PPP4R3C: variants seen among roughly 807,000 people sequenced by gnomAD.
PPP4R3C encodes the protein protein PPP4R3C.
For missense variants in PPP4R3C, 372 were observed against 237.3 expected (o/e 1.57, Z -3.73); for synonymous variants, 150 against 86.5 (o/e 1.73, Z -4.07).
rs1252679612 is a variant in PPP4R3C at position 27,463,025 on chromosome X, T to C, written c.272A>G (p.Gln91Arg). 3 of 515,209 alleles carry C rather than the reference T, an allele frequency of 5.8e-6. No homozygotes were observed. The highest frequency in any genetic ancestry group is 1.0e-5 in the Non-Finnish European group (3 of 287,034). The allele number at this position is 515,209 out of a possible 1,213,427, so 42.5% of individuals were successfully genotyped here. The change falls in exon 1 of 1, where the codon CAG becomes CGG. Residue 91 changes from glutamine (Q) to arginine (R), a missense_variant. By Grantham distance (43) the Gln-to-Arg change is conservative. Coordinates refer to ENST00000412172, the MANE Select transcript of PPP4R3C (RefSeq NM_207319.4). ...TTGGCAAATTTCTTTCCAAATATCC[T>C]GGCAGCCGGCTGGGTCCTGGAATTT... ...VLKFQDPAGCQDIWKEICQAQ... is the reference protein window; with the variant it reads ...VLKFQDPAGCRDIWKEICQAQ...
At position 27,460,812 on chromosome X, in the gene PPP4R3C, G is replaced by A. The variant is rs1476689335; in HGVS notation, c.2485C>T (p.His829Tyr). ...EDETSPKKKPHLSS is the reference protein window; with the variant it reads ...EDETSPKKKPYLSS Reference sequence around the variant, plus strand: ...CCATATAGATTTTAGGAGCTAAGATGAGGTTTCTTCTTGGGGGATGTTTCA... The same window carrying A: ...CCATATAGATTTTAGGAGCTAAGATAAGGTTTCTTCTTGGGGGATGTTTCA... The change falls in exon 1 of 1, where the codon CAT (histidine) becomes TAT (tyrosine). Residue 829 changes from histidine (H) to tyrosine (Y), a missense_variant. Transcript: ENST00000412172. 3 of 502,954 alleles carry A rather than the reference G, an allele frequency of 6.0e-6. No homozygotes were observed. The East Asian group carries it at 1.1e-4, about 18-fold the overall frequency. 41.4% of individuals were successfully genotyped at this position (502,954 alleles called of 1,213,427 possible). A position where few individuals can be genotyped will look rare whatever the true frequency, so the allele number is the denominator to read the frequency against.
In PPP4R3C at chrX:27,461,789, T is replaced by C; in HGVS notation, c.1508A>G (p.Asn503Ser). 2 of 515,491 alleles carry C rather than the reference T, an allele frequency of 3.9e-6. No individual in the cohort carries two copies. Among genetic ancestry groups the C allele is most frequent in the Non-Finnish European group, 7.0e-6 (2 of 287,087 alleles). 42.5% of individuals were successfully genotyped at this position (515,491 alleles called of 1,213,427 possible). ...AGYDKSKNCP[N>S]DNQTAQLLAL... ...AAGCAGTTGTGCTGTTTGATTATCATTGGGGCAATTTTTGCTTTTGTCATA... is the reference window on the plus strand; with the variant it reads ...AAGCAGTTGTGCTGTTTGATTATCACTGGGGCAATTTTTGCTTTTGTCATA... The change falls in exon 1 of 1, where the codon AAT becomes AGT. Residue 503 changes from asparagine to serine, a missense_variant. Asn to Ser is a conservative substitution (Grantham distance 46). Transcript: ENST00000412172.
chrX:27,461,427 C>G lies in PPP4R3C; in HGVS notation c.1870G>C (p.Glu624Gln). The G allele has an allele frequency of 1.9e-6, 1 of 515,350 alleles. No individual in the cohort carries two copies. Among genetic ancestry groups the G allele is most frequent in the East Asian group, 3.6e-5 (1 of 27,718 alleles). 42.5% of individuals were successfully genotyped at this position (515,350 alleles called of 1,213,427 possible). Residue 624 changes from glutamate (E) to glutamine (Q), a missense_variant, in exon 1 of 1, where the codon GAA becomes CAA. Transcript: ENST00000412172. Reference protein sequence around the residue: ...NIKPLVSHIVEKFYNTLESIE... With the variant: ...NIKPLVSHIVQKFYNTLESIE... Reference sequence around the variant, plus strand: ...GATTCAAGTGTGTTATAAAACTTTTCAACTATATGTGAAACAAGAGGCTTG... The same window carrying G: ...GATTCAAGTGTGTTATAAAACTTTTGAACTATATGTGAAACAAGAGGCTTG...
rs924239872 is a variant in PPP4R3C at position 27,461,383 on chromosome X, T to A, written c.1914A>T (p.Thr638=). 2 of 513,828 alleles carry A rather than the reference T, an allele frequency of 3.9e-6. No individual in the cohort carries two copies. The highest frequency in any genetic ancestry group is 4.6e-5 in the African/African-American group (2 of 43,392). The allele number at this position is 513,828 out of a possible 1,213,427, so 42.3% of individuals were successfully genotyped here. The part of the protein sequence containing the change: ...NTLESIEYVQ[T]FKGLKIKYEK... ...CATATTTAATCTTCAATCCTTTGAA[T>A]GTCTGAACATATTCAATCGATTCAA... Residue 638 remains threonine (T), a synonymous_variant, in exon 1 of 1, where the codon ACA becomes ACT. Coordinates refer to ENST00000412172, the MANE Select transcript of PPP4R3C (RefSeq NM_207319.4).
Position 27,462,606 on chromosome X carries a change from C to T in PPP4R3C, c.691G>A (p.Ala231Thr), listed in dbSNP as rs1451960471. Residue 231 changes from alanine to threonine, a missense_variant, in exon 1 of 1, where the codon GCT becomes ACT. Ala to Thr is a moderately conservative substitution (Grantham distance 58). Transcript: ENST00000412172. ...CTATGCCTTTTTGGCTGATCCAAAG[C>T]AGGGTCATACTCAAGGCATCCCACC... is the stretch of plus-strand genomic sequence containing the variant. ...DVVGCLEYDP[A>T]LDQPKRHRDF... 1.8e-6 allele frequency: 1 copy of T among 561,965 alleles called. No individual in the cohort carries two copies. The highest frequency in any genetic ancestry group is 2.2e-5 in the Admixed American group (1 of 45,192). 46.3% of individuals were successfully genotyped at this position (561,965 alleles called of 1,213,427 possible).
Position 27,463,231 on chromosome X carries a change from T to C in PPP4R3C, c.66A>G (p.Leu22=). 1.9e-6 allele frequency: 1 copy of C among 515,116 alleles called. No homozygotes were observed. Among genetic ancestry groups the C allele is most frequent in the Non-Finnish European group, 3.5e-6 (1 of 286,990 alleles). 42.5% of individuals were successfully genotyped at this position (515,116 alleles called of 1,213,427 possible). Residue 22 remains leucine, a synonymous_variant, in exon 1 of 1, where the codon CTA becomes CTG. Coordinates refer to ENST00000412172, the MANE Select transcript of PPP4R3C (RefSeq NM_207319.4). ...AGGTGGATGAGACCTGACCGGTGCC[T>C]AGATTGTTCCATTCCTCGTCTTCGT... The part of the protein sequence containing the change: ...VLNEDEEWNN[L]GTGQVSSTYD...
chrX:27,463,255 G>C lies in PPP4R3C; in HGVS notation c.42C>G (p.Asn14Lys), dbSNP rs778727584. 1.2e-5 allele frequency: 6 copies of C among 514,611 alleles called. No homozygotes were observed. The East Asian group carries it at 2.2e-4, about 19-fold the overall frequency. 42.4% of individuals were successfully genotyped at this position (514,611 alleles called of 1,213,427 possible). Residue 14 changes from asparagine (N) to lysine (K), a missense_variant, in exon 1 of 1, where the codon AAC becomes AAG. By Grantham distance (94) the Asn-to-Lys change is moderately conservative. Coordinates refer to ENST00000412172, the MANE Select transcript of PPP4R3C (RefSeq NM_207319.4). ...LRYSVKVYVL[N>K]EDEEWNNLGT... is the part of the protein sequence containing the mutation. ...CTAGATTGTTCCATTCCTCGTCTTC[G>C]TTCAGGACATAGACTTTTACACTGT...
chrX:27,462,244 G>A lies in PPP4R3C; in HGVS notation c.1053C>T (p.Ser351=). ...TCAACGTTTCAAATAGTGCATCCTTGCTTTGAGGCTGTAATGCCTGAGAAA... is the reference window on the plus strand; with the variant it reads ...TCAACGTTTCAAATAGTGCATCCTTACTTTGAGGCTGTAATGCCTGAGAAA... ...CSFSQALQPQ[S]KDALFETLIQ... Residue 351 remains serine, a synonymous_variant, in exon 1 of 1, where the codon AGC becomes AGT. Transcript: ENST00000412172. The A allele has an allele frequency of 1.9e-6, 1 of 514,338 alleles. No individual in the cohort carries two copies. Among genetic ancestry groups the A allele is most frequent in the East Asian group, 3.6e-5 (1 of 27,713 alleles). The allele number at this position is 514,338 out of a possible 1,213,427, so 42.4% of individuals were successfully genotyped here.
At position 27,462,274 on chromosome X, in the gene PPP4R3C, A is replaced by G; in HGVS notation, c.1023T>C (p.Cys341=). ...CELLFFFKEL[C]SFSQALQPQS... ...GAGGCTGTAATGCCTGAGAAAATGA[A>G]CATAACTCCTTGAAAAAAAATAGCA... The change falls in exon 1 of 1, where the codon TGT becomes TGC. Residue 341 remains cysteine, a synonymous_variant. Coordinates refer to ENST00000412172, the MANE Select transcript of PPP4R3C (RefSeq NM_207319.4). The G allele has an allele frequency of 1.9e-6, 1 of 514,944 alleles. No individual in the cohort carries two copies. The highest frequency in any genetic ancestry group is 3.5e-6 in the Non-Finnish European group (1 of 286,838). 42.4% of individuals were successfully genotyped at this position (514,944 alleles called of 1,213,427 possible). A position where few individuals can be genotyped will look rare whatever the true frequency, so the allele number is the denominator to read the frequency against.
rs1253604654 is a variant in PPP4R3C at position 27,462,335 on chromosome X, T to A, written c.962A>T (p.Lys321Met). The change falls in exon 1 of 1, where the codon AAG becomes ATG. Residue 321 changes from lysine to methionine, a missense_variant. Lys to Met is a moderately conservative substitution (Grantham distance 95). Coordinates refer to ENST00000412172, the MANE Select transcript of PPP4R3C (RefSeq NM_207319.4). ...TCTATCATCATGTGTAGTCTCATCC[T>A]TTAACTGTGCAAAAACTTCATACAA... Reference protein sequence around the residue: ...KFLYEVFAQLKDETTHDDRRC... With the variant: ...KFLYEVFAQLMDETTHDDRRC... The A allele has an allele frequency of 1.9e-6, 1 of 515,370 alleles. No homozygotes were observed. Among genetic ancestry groups the A allele is most frequent in the South Asian group, 2.5e-5 (1 of 40,723 alleles). 42.5% of individuals were successfully genotyped at this position (515,370 alleles called of 1,213,427 possible).
rs927517302 is a variant in PPP4R3C, at chrX:27,462,783, T to C, written c.514A>G (p.Ile172Val). ...LAEILKNEAY[I>V]PKLLQLFHTC... The stretch of plus-strand genomic sequence containing the variant: ...TGGAACAGTTGCAGTAGTTTTGGAA[T>C]ATAAGCCTCATTTTTCAAGATCTCA... Residue 172 changes from isoleucine (I) to valine (V), a missense_variant, in exon 1 of 1, where the codon ATT becomes GTT. Transcript: ENST00000412172. The C allele has an allele frequency of 1.9e-6, 1 of 514,211 alleles. No homozygotes were observed. Among genetic ancestry groups the C allele is most frequent in the African/African-American group, 2.3e-5 (1 of 43,446 alleles). The allele number at this position is 514,211 out of a possible 1,213,427, so 42.4% of individuals were successfully genotyped here. A position where few individuals can be genotyped will look rare whatever the true frequency, so the allele number is the denominator to read the frequency against.
rs1205566802 is a variant in PPP4R3C at position 27,463,341 on chromosome X, T to C, written c.-45A>G. ...CCGTCAGGTCTGTTCTCCACGGCAC[T>C]GCTTCCGGTACAGCATGGAAGCCGC... On this transcript the variant is annotated 5_prime_UTR_variant, in exon 1 of 1. Transcript: ENST00000412172. 1.5e-5 allele frequency: 7 copies of C among 475,204 alleles called. No individual in the cohort carries two copies. Among genetic ancestry groups the C allele is most frequent in the Non-Finnish European group, 2.6e-5 (7 of 266,416 alleles). The allele number at this position is 475,204 out of a possible 1,213,427, so 39.2% of individuals were successfully genotyped here. A position where few individuals can be genotyped will look rare whatever the true frequency, so the allele number is the denominator to read the frequency against.
chrX:27,460,499 A>G lies in PPP4R3C; in HGVS notation c.*299T>C, dbSNP rs1922934670. On this transcript the variant is annotated 3_prime_UTR_variant, in exon 1 of 1. Coordinates refer to ENST00000412172, the MANE Select transcript of PPP4R3C (RefSeq NM_207319.4). ...GAACAAAACTACATTAACATTATCGACCTGGTTCTTCCCCATTCCAAACTA... is the reference window on the plus strand; with the variant it reads ...GAACAAAACTACATTAACATTATCGGCCTGGTTCTTCCCCATTCCAAACTA... The G allele has an allele frequency of 1.0e-5, 2 of 196,963 alleles. No homozygotes were observed. The highest frequency in any genetic ancestry group is 1.8e-5 in the Non-Finnish European group (2 of 110,132). 16.2% of individuals were successfully genotyped at this position (196,963 alleles called of 1,213,427 possible).
Position 27,461,061 on chromosome X carries a change from C to G in PPP4R3C, c.2236G>C (p.Asp746His), listed in dbSNP as rs190123867. 2.0e-6 allele frequency: 1 copy of G among 511,159 alleles called. No homozygotes were observed. The highest frequency in any genetic ancestry group is 2.4e-5 in the African/African-American group (1 of 42,472). The allele number at this position is 511,159 out of a possible 1,213,427, so 42.1% of individuals were successfully genotyped here. Reference protein sequence around the residue: ...EAVMPPLEDDDEFMETKRNQE... With the variant: ...EAVMPPLEDDHEFMETKRNQE... ...TTTCTTTTAGTCTCCATAAATTCAT[C>G]GTCATCTTCCAGTGGTGGCATAACT... The change falls in exon 1 of 1, where the codon GAT becomes CAT. Residue 746 changes from aspartate (D) to histidine (H), a missense_variant. Physicochemically the swap from Asp to His is moderately conservative, Grantham distance 81 (BLOSUM62 -1). Coordinates refer to ENST00000412172, the MANE Select transcript of PPP4R3C (RefSeq NM_207319.4).
rs752637020 is a variant in PPP4R3C, at chrX:27,462,668, A to C, written c.629T>G (p.Phe210Cys). 7 of 554,579 alleles carry C rather than the reference A, an allele frequency of 1.3e-5. No individual in the cohort carries two copies. The highest frequency in any genetic ancestry group is 2.3e-5 in the Non-Finnish European group (7 of 306,351). The allele number at this position is 554,579 out of a possible 1,213,427, so 45.7% of individuals were successfully genotyped here. ...ACACTCGTCAGAAAACATTATCTCA[A>C]ACAGACATGCCTCGTTGAGGAACAA... The part of the protein sequence containing the change: ...GILFLNEACL[F>C]EIMFSDECIM... Residue 210 changes from phenylalanine (F) to cysteine (C), a missense_variant, in exon 1 of 1, where the codon TTT becomes TGT. Phe to Cys is a radical substitution (Grantham distance 205). Transcript: ENST00000412172.
In PPP4R3C at chrX:27,462,810, C is replaced by A; in HGVS notation, c.487G>T (p.Ala163Ser). 1 of 515,342 alleles carries A rather than the reference C, an allele frequency of 1.9e-6. No individual in the cohort carries two copies. Among genetic ancestry groups the A allele is most frequent in the Non-Finnish European group, 3.5e-6 (1 of 287,091 alleles). The allele number at this position is 515,342 out of a possible 1,213,427, so 42.5% of individuals were successfully genotyped here. A position where few individuals can be genotyped will look rare whatever the true frequency, so the allele number is the denominator to read the frequency against. The change falls in exon 1 of 1, where the codon GCT becomes TCT. Residue 163 changes from alanine (A) to serine (S), a missense_variant. Transcript: ENST00000412172. The part of the protein sequence containing the change: ...SSPVTDRERL[A>S]EILKNEAYIP... Reference sequence around the variant, plus strand: ...TAAGCCTCATTTTTCAAGATCTCAGCCAGTCTTTCCCTATCCGTAACAGGT... The same window carrying A: ...TAAGCCTCATTTTTCAAGATCTCAGACAGTCTTTCCCTATCCGTAACAGGT...
rs1457602408 is a variant in PPP4R3C at position 27,463,313 on chromosome X, G to C, written c.-17C>G. On this transcript the variant is annotated 5_prime_UTR_variant, in exon 1 of 1. Coordinates refer to ENST00000412172, the MANE Select transcript of PPP4R3C (RefSeq NM_207319.4). ...GCCTGCCATAGCGTCCTCTGGCCTC[G>C]CCCCGTCAGGTCTGTTCTCCACGGC... is the stretch of plus-strand genomic sequence containing the variant. 2.0e-6 allele frequency: 1 copy of C among 497,607 alleles called. No homozygotes were observed. Among genetic ancestry groups the C allele is most frequent in the Admixed American group, 2.7e-5 (1 of 37,100 alleles). The allele number at this position is 497,607 out of a possible 1,213,427, so 41.0% of individuals were successfully genotyped here.
chrX:27,461,307 G>A lies in PPP4R3C; in HGVS notation c.1990C>T (p.Leu664=). The A allele has an allele frequency of 1.9e-6, 1 of 514,842 alleles. No homozygotes were observed. The highest frequency in any genetic ancestry group is 3.5e-6 in the Non-Finnish European group (1 of 286,900). 42.4% of individuals were successfully genotyped at this position (514,842 alleles called of 1,213,427 possible). ...SQIQKNLHSV[L]QNIVVFRGTI... is the part of the protein sequence containing the mutation. ...CCTCTGAAAACTACTATATTTTGCA[G>A]TACAGAATGTAAATTCTTTTGTATT... is the stretch of plus-strand genomic sequence containing the variant. Residue 664 remains leucine, a synonymous_variant, in exon 1 of 1, where the codon CTG becomes TTG. Transcript: ENST00000412172.
Position 27,461,038 on chromosome X carries a change from T to A in PPP4R3C, c.2259A>T (p.Arg753Ser), listed in dbSNP as rs1243610653. ...EDDDEFMETKRNQEHEGKVDS... is the reference protein window; with the variant it reads ...EDDDEFMETKSNQEHEGKVDS... ...CTACCTTGCCTTCATGTTCTTGGTT[T>A]CTTTTAGTCTCCATAAATTCATCGT... Residue 753 changes from arginine to serine, a missense_variant, in exon 1 of 1, where the codon AGA becomes AGT. Coordinates refer to ENST00000412172, the MANE Select transcript of PPP4R3C (RefSeq NM_207319.4). 2.0e-6 allele frequency: 1 copy of A among 512,255 alleles called. No individual in the cohort carries two copies. The highest frequency in any genetic ancestry group is 3.5e-6 in the Non-Finnish European group (1 of 286,532). 42.2% of individuals were successfully genotyped at this position (512,255 alleles called of 1,213,427 possible).
Sources: allele counts gnomAD v4.1 joint callset, GRCh38; gene constraint gnomAD v4.1.1; transcripts MANE v1.5; gene names NCBI Gene and HGNC (gene_info 2026-07-23, HGNC 2026-07-21).